NRIP1: variants seen among roughly 807,000 people sequenced by gnomAD.
NRIP1 encodes nuclear receptor-interacting protein 1.
Under a neutral mutation model 75.0 loss-of-function variants are expected in NRIP1, and 28 were observed. The ratio of observed to expected loss-of-function variants is 0.37; its 90% confidence interval spans 0.28 to 0.51. The LOEUF is 0.51. Among genes scored for constraint, NRIP1 ranks in the 20% least tolerant of loss-of-function variants. NRIP1 has a pLI of 0.92. For missense variants in NRIP1, 1,435 were observed against 1,343.7 expected, an observed-to-expected ratio of 1.07 and a Z score of -1.06; for synonymous variants, 526 against 487.6, an observed-to-expected ratio of 1.08 and a Z score of -1.04.
In NRIP1 at chr21:14,976,596, T is replaced by C. The variant is rs2087076854; in HGVS notation, c.-334-8070A>G. Among the ~76,000 whole-genome samples the C allele has an allele frequency of 2.0e-5, 3 of 152,292 alleles. No individual in the cohort carries two copies. In the South Asian group the frequency reaches 6.2e-4, roughly 32 times the overall value. On this transcript the variant is annotated intron_variant, in intron 3 of 3. Transcript: ENST00000318948. ...CTCTAAAATAGCTAAACTATTTTCA[T>C]TGCAATATGTTTTACATTTTCTGTT...
At chr21:15,034,793 TA>T (rs1300865659) in intron 2 of NRIP1, among the ~76,000 whole-genome samples, 1 of 151,820 alleles carries the variant, frequency 6.6e-6, no homozygotes, top group Non-Finnish European at 1.5e-5. Flanking sequence ...TAAATGAACA[TA>T]AAAAATAAAA....
At chr21:15,044,741 A>G (rs538889919) in intron 1 of NRIP1, among the ~76,000 whole-genome samples, 3 of 152,274 alleles carry the variant, frequency 2.0e-5, no homozygotes, top group South Asian at 4.1e-4. Context: ...GTCTCCTTAA[A>G]ACCACTTAAA....
At chr21:14,987,791 G>A (rs1429247475) in intron 3 of NRIP1, among the ~76,000 whole-genome samples, 5 of 152,218 alleles carry the variant, frequency 3.3e-5, no homozygotes, top group South Asian at 2.1e-4. Context: ...TTCTCCTCAC[G>A]GGGTTGGTTA....
At chr21:15,002,691 T>C (rs1375090934) in intron 3 of NRIP1, among the ~76,000 whole-genome samples, 2 of 152,226 alleles carry the variant, frequency 1.3e-5, no homozygotes, top group Non-Finnish European at 2.9e-5. Context: ...TGTACTCAAC[T>C]GTTAACCATT....
At chr21:15,060,072 A>G (rs902319197) in intron 1 of NRIP1, among the ~76,000 whole-genome samples, 7 of 152,190 alleles carry the variant, frequency 4.6e-5, no homozygotes, top group Middle Eastern at 3.2e-3. Context: ...TATTTGCAAG[A>G]TAGTGTAGGG....
intron 2 of NRIP1, among the ~76,000 whole-genome samples, chr21:15,035,579 CAG>C (rs2088813662): frequency 7.4e-6 from 1 of 134,746 alleles, no homozygotes; most frequent in Non-Finnish European, 1.5e-5. Context: ...TTTTTTGAGA[CAG>C]AGTCTCGCTC....
rs2086814745 is a variant in NRIP1, at chr21:14,968,235, T to C, written c.-43A>G. 25 of 1,399,880 alleles carry C rather than the reference T, an allele frequency of 1.8e-5. No homozygotes were observed. Among genetic ancestry groups the C allele is most frequent in the Non-Finnish European group, 2.4e-5 (24 of 1,018,310 alleles). 86.7% of individuals were successfully genotyped at this position (1,399,880 alleles called of 1,614,324 possible). On this transcript the variant is annotated 5_prime_UTR_variant, in exon 4 of 4. Coordinates refer to ENST00000318948, the MANE Select transcript of NRIP1 (RefSeq NM_003489.4). ...ACAAGGGCTTGGTTTCTATTCACTT[T>C]AAAGAATGGTTTTCTGTGGTGAGTG...
intron 1 of NRIP1, among the ~76,000 whole-genome samples, chr21:15,060,882 C>A (rs1472173602): frequency 6.6e-6 from 1 of 152,154 alleles, no homozygotes; most frequent in Non-Finnish European, 1.5e-5. Flanking sequence ...TCATTCCAAC[C>A]TCTCGACATA....
At chr21:15,007,683 G>C (rs2088004988) in intron 3 of NRIP1, among the ~76,000 whole-genome samples, 1 of 152,090 alleles carries the variant, frequency 6.6e-6, no homozygotes, top group Non-Finnish European at 1.5e-5. Flanking sequence ...TATTTCCCTT[G>C]GCTATAAGAC....
intron 3 of NRIP1, chr21:14,992,370 A>T (rs557708400): frequency 6.6e-6 from 1 of 152,286 alleles, no homozygotes; most frequent in East Asian, 1.9e-4. Context: ...GAAATAAACC[A>T]CAGAAGCAAG....
intron 1 of NRIP1, chr21:15,052,348 A>G (rs1355674063): frequency 6.6e-6 from 1 of 152,218 alleles, no homozygotes; most frequent in Non-Finnish European, 1.5e-5. Flanking sequence ...GCCATCCTCT[A>G]GAATATGCTA....
chr21:15,052,332 T>C (rs2089218345), intron 1 of NRIP1: 1 of 152,172 alleles, frequency 6.6e-6, no homozygotes, highest in Non-Finnish European at 1.5e-5. Flanking sequence ...CGAAGTATTA[T>C]CCTTCGCCAT....
intron 3 of NRIP1, among the ~76,000 whole-genome samples, chr21:14,968,825 T>G (rs1415627822): frequency 6.6e-6 from 1 of 152,210 alleles, no homozygotes; most frequent in Non-Finnish European, 1.5e-5. Flanking sequence ...TCTCTGAATT[T>G]TCATAAGCAC....
chr21:14,991,639 C>G (rs2087574502), intron 3 of NRIP1, among the ~76,000 whole-genome samples: 1 of 152,034 alleles, frequency 6.6e-6, no homozygotes, highest in Admixed American at 6.6e-5. Flanking sequence ...GTAAGTGTCA[C>G]TCCAGAATTT....
chr21:15,049,841 C>T (rs969466593), intron 1 of NRIP1, among the ~76,000 whole-genome samples: 38 of 152,006 alleles, frequency 2.5e-4, no homozygotes, highest in African/African-American at 7.5e-4. Context: ...ACTTTTCTTA[C>T]GTAAATCTAT....
At chr21:15,022,583 C>T (rs1460106638) in intron 2 of NRIP1, among the ~76,000 whole-genome samples, 6 of 152,218 alleles carry the variant, frequency 3.9e-5, no homozygotes, top group Admixed American at 2.0e-4. Flanking sequence ...GTAAAATACA[C>T]TGCCACTTCT....
intron 2 of NRIP1, among the ~76,000 whole-genome samples, chr21:15,029,710 G>C (rs1327701280): frequency 6.6e-6 from 1 of 152,124 alleles, no homozygotes; most frequent in Admixed American, 6.6e-5. Context: ...CCAGTGCTTT[G>C]AGAGGCTGAG....
intron 2 of NRIP1, among the ~76,000 whole-genome samples, chr21:15,035,556 C>CTTTTT (rs71331704): frequency 7.4e-6 from 1 of 134,528 alleles, no homozygotes; most frequent in Non-Finnish European, 1.6e-5. Flanking sequence ...TTGTATATGA[C>CTTTTT]TTTTTTTTTT....
intron 3 of NRIP1, among the ~76,000 whole-genome samples, chr21:14,970,152 G>C (rs974303476): frequency 1.3e-5 from 2 of 152,102 alleles, no homozygotes; most frequent in Non-Finnish European, 2.9e-5. Context: ...TGCTTAATTG[G>C]AGGCTTATTT....
Sources: allele counts gnomAD v4.1 joint callset (sites outside exome capture counted in the v4.1 genomes callset), GRCh38; gene constraint gnomAD v4.1.1; transcripts MANE v1.5; gene names NCBI Gene and HGNC (gene_info 2026-07-23, HGNC 2026-07-21).